SEC24A: variants seen among roughly 807,000 people sequenced by gnomAD.
SEC24A encodes the protein SEC24 homolog A, COPII component, also known as protein transport protein Sec24A.
In SEC24A, 93 loss-of-function variants were observed where a neutral mutation model predicts 129.4. That is an observed-to-expected ratio of 0.72 (90% CI 0.61 to 0.85). The LOEUF is 0.85. SEC24A is among the 40% of genes least tolerant of loss of function. The pLI, the probability that SEC24A is intolerant of heterozygous loss-of-function variation, is 0.00. For synonymous variants in SEC24A, 460 were observed against 467.3 expected (o/e 0.98, Z 0.20); for missense variants, 1,264 against 1,307.4 (o/e 0.97, Z 0.51).
chr5:134,718,953 G>A (rs1478537011), intron 20 of SEC24A, among the ~76,000 whole-genome samples: 8 of 140,354 alleles, frequency 5.7e-5, no homozygotes, highest in African/African-American at 2.1e-4. Flanking sequence ...CTGGGCAACA[G>A]AGCAAGACTG....
chr5:134,714,465 C>T (rs1441927279), intron 18 of SEC24A, among the ~76,000 whole-genome samples: 1 of 152,154 alleles, frequency 6.6e-6, no homozygotes, highest in Non-Finnish European at 1.5e-5. Context: ...ACTGCGCATG[C>T]GAGAGATCTA....
chr5:134,707,579 T>C (rs1475350380), intron 17 of SEC24A, among the ~76,000 whole-genome samples: 1 of 152,170 alleles, frequency 6.6e-6, no homozygotes. Context: ...TCCACCCGCC[T>C]CGGCCTGCCA....
chr5:134,702,079 A>ATT (rs1337011891), intron 15 of SEC24A, among the ~76,000 whole-genome samples: 1 of 152,218 alleles, frequency 6.6e-6, no homozygotes, highest in East Asian at 1.9e-4. Context: ...GCAGTGAGGA[A>ATT]TTATACCTGG....
chr5:134,673,502 G>T (rs748946756), intron 4 of SEC24A, among the ~76,000 whole-genome samples: 1 of 151,894 alleles, frequency 6.6e-6, no homozygotes, highest in South Asian at 2.1e-4. Flanking sequence ...TCCCTCTGTC[G>T]TCCAGGCTGG....
chr5:134,708,958 C>A, intron 18 of SEC24A, 70 bp downstream of exon 18: 1 of 1,461,506 alleles, frequency 6.8e-7, no homozygotes. Flanking sequence ...GCAATCCCAG[C>A]ACTTTGGGTG....
chr5:134,685,272 G>C (rs932385085), intron 9 of SEC24A, among the ~76,000 whole-genome samples: 6 of 151,902 alleles, frequency 3.9e-5, no homozygotes, highest in Admixed American at 2.6e-4. Flanking sequence ...GAGGTGGAAG[G>C]ATCGCTTGAG....
Position 134,661,478 on chromosome 5 carries a change from C to T in SEC24A, c.457C>T (p.Pro153Ser), listed in dbSNP as rs201551645. The T allele has an allele frequency of 1.3e-4, 217 of 1,614,186 alleles. No individual in the cohort carries two copies. In the African/African-American group the frequency reaches 2.6e-3, roughly 19 times the overall value. The part of the protein sequence containing the change: ...PSTASQTNHC[P>S]RASSQPTVSG... ...CACAGCCTCACAAACAAACCATTGT[C>T]CTCGTGCATCATCCCAACCAACTGT... The change falls in exon 2 of 23, where the codon CCT becomes TCT. Residue 153 changes from proline (P) to serine (S), a missense_variant. By Grantham distance (74) the Pro-to-Ser change is moderately conservative (BLOSUM62 -1). Coordinates refer to ENST00000398844, the MANE Select transcript of SEC24A (RefSeq NM_021982.3).
intron 14 of SEC24A, 140 bp from the exon 15 acceptor site, chr5:134,697,759 A>G (rs1387255850): frequency 2.2e-6 from 2 of 919,320 alleles, no homozygotes; most frequent in Non-Finnish European, 3.2e-6. Flanking sequence ...CTCTGTCTCA[A>G]AAAAAGGGAA....
At chr5:134,723,371 G>A (rs1204197411) in intron 21 of SEC24A, among the ~76,000 whole-genome samples, 196 bp from the exon 22 acceptor site, 2 of 151,954 alleles carry the variant, frequency 1.3e-5, no homozygotes, top group African/African-American at 4.8e-5. Context: ...AGGCTATGGT[G>A]GGAGGATCAC....
chr5:134,698,948 CAG>C (rs1163708965), intron 15 of SEC24A, among the ~76,000 whole-genome samples: 4 of 150,964 alleles, frequency 2.6e-5, no homozygotes, highest in Admixed American at 6.6e-5. Flanking sequence ...CCTTTTTTGA[CAG>C]AGTCTCATTC....
At chr5:134,710,755 G>A (rs1467125490) in intron 18 of SEC24A, among the ~76,000 whole-genome samples, 1 of 152,154 alleles carries the variant, frequency 6.6e-6, no homozygotes, top group East Asian at 1.9e-4. Context: ...CTCTGGTCTG[G>A]TGGAGTAGGC....
intron 18 of SEC24A, among the ~76,000 whole-genome samples, chr5:134,713,996 C>A (rs1336062311): frequency 6.6e-6 from 1 of 151,256 alleles, no homozygotes; most frequent in East Asian, 1.9e-4. Context: ...GAGCAGAGAT[C>A]AAACCACTAC....
rs146208086 is a variant in SEC24A, at chr5:134,708,469, C to G, written c.2552-244C>G. 2.6e-4 allele frequency among the ~76,000 whole-genome samples: 39 copies of G among 152,282 alleles called. No homozygotes were observed. In the Middle Eastern group the frequency reaches 0.02, roughly 80 times the overall value. ...TACAATCAGTAGCATAACTGAGGCT[C>G]AGGAAGGTTAAGTTACTTGCCAAAT... On this transcript the variant is annotated intron_variant, in intron 17 of 22. Transcript: ENST00000398844.
chr5:134,660,279 T>A (rs1750406778), intron 1 of SEC24A, among the ~76,000 whole-genome samples: 1 of 151,658 alleles, frequency 6.6e-6, no homozygotes, highest in African/African-American at 2.4e-5. Flanking sequence ...GATGGGAGGA[T>A]CGCTTGAGCC....
intron 19 of SEC24A, 65 bp from the exon 20 acceptor site, chr5:134,718,004 G>A (rs1752527535): frequency 4.9e-6 from 6 of 1,213,740 alleles, no homozygotes; most frequent in Non-Finnish European, 7.3e-6. Flanking sequence ...ATTTTTTGTT[G>A]TTGTTTAACT....
intron 19 of SEC24A, among the ~76,000 whole-genome samples, chr5:134,716,492 GAA>G (rs945086175): frequency 2.8e-5 from 4 of 141,646 alleles, no homozygotes; most frequent in Non-Finnish European, 6.2e-5. Context: ...AAAAACCTTT[GAA>G]AATTTAAAGA....
At chr5:134,697,465 A>G (rs1255269397) in intron 14 of SEC24A, among the ~76,000 whole-genome samples, 3 of 152,182 alleles carry the variant, frequency 2.0e-5, no homozygotes, top group African/African-American at 7.2e-5. Flanking sequence ...CAGGCCGGGT[A>G]TGATGGCTCA....
At chr5:134,715,741 G>T (rs1200151653) in intron 19 of SEC24A, among the ~76,000 whole-genome samples, 1 of 151,890 alleles carries the variant, frequency 6.6e-6, no homozygotes, top group Non-Finnish European at 1.5e-5. Flanking sequence ...ATGCATGTGG[G>T]GCTTAAAACC....
intron 9 of SEC24A, among the ~76,000 whole-genome samples, chr5:134,686,382 G>A (rs1047285695): frequency 1.3e-5 from 2 of 151,844 alleles, no homozygotes; most frequent in African/African-American, 4.8e-5. Flanking sequence ...GACTACAAGC[G>A]CCTGCCACCA....
Sources: allele counts gnomAD v4.1 joint callset (sites outside exome capture counted in the v4.1 genomes callset), GRCh38; gene constraint gnomAD v4.1.1; transcripts MANE v1.5; gene names NCBI Gene and HGNC (gene_info 2026-07-23, HGNC 2026-07-21).